PTPRD: variants seen among roughly 807,000 people sequenced by gnomAD.
The protein encoded by PTPRD is receptor-type tyrosine-protein phosphatase delta.
In PTPRD, 34 loss-of-function variants were observed where a neutral mutation model predicts 214.5. That is an observed-to-expected ratio of 0.16 (90% CI 0.12 to 0.21). The LOEUF is 0.21. Ranked by LOEUF, PTPRD falls within the 10% of genes least tolerant of loss-of-function variation. PTPRD has a pLI of 1.00. For synonymous variants in PTPRD, 1,128 were observed against 845.7 expected (o/e 1.33, Z -5.79); for missense variants, 2,545 against 2,398.7 (o/e 1.06, Z -1.27).
chr9:8,423,249 G>A (rs2131693845), intron 35 of PTPRD, among the ~76,000 whole-genome samples: 1 of 152,244 alleles, frequency 6.6e-6, no homozygotes, highest in Admixed American at 6.5e-5. Context: ...TAAGTTATAT[G>A]CCACCTGACA....
At chr9:9,748,091 C>G (rs1037023554) in intron 6 of PTPRD, among the ~76,000 whole-genome samples, 6 of 152,246 alleles carry the variant, frequency 3.9e-5, no homozygotes, top group African/African-American at 9.6e-5. Flanking sequence ...CAAGATTTTC[C>G]TGGGATATAT....
chr9:9,048,329 T>A (rs2099677483), intron 10 of PTPRD, among the ~76,000 whole-genome samples: 1 of 152,092 alleles, frequency 6.6e-6, no homozygotes, highest in South Asian at 2.1e-4. Context: ...AGGAAATCAG[T>A]GTATTGAAGA....
intron 8 of PTPRD, among the ~76,000 whole-genome samples, chr9:9,473,547 C>T (rs1291364054): frequency 6.6e-6 from 1 of 152,000 alleles, no homozygotes; most frequent in Non-Finnish European, 1.5e-5. Flanking sequence ...TCTAAGAAAC[C>T]CCCATCCTGT....
intron 5 of PTPRD, among the ~76,000 whole-genome samples, chr9:9,790,619 A>G (rs1479766137): frequency 6.6e-6 from 1 of 152,232 alleles, no homozygotes; most frequent in African/African-American, 2.4e-5. Flanking sequence ...GTTTTGATCA[A>G]TTATTAAATC....
chr9:10,534,947 T>C (rs2057382900), intron 2 of PTPRD, among the ~76,000 whole-genome samples: 2 of 152,174 alleles, frequency 1.3e-5, no homozygotes, highest in Non-Finnish European at 1.5e-5. Flanking sequence ...ATAGCAACAT[T>C]GCAGCCCACT....
chr9:9,177,909 A>C (rs564122558), intron 10 of PTPRD, among the ~76,000 whole-genome samples: 1 of 152,254 alleles, frequency 6.6e-6, no homozygotes, highest in East Asian at 1.9e-4. Flanking sequence ...TCCAGACACT[A>C]TTTGATACAT....
chr9:8,508,503 C>T (rs1215614556), intron 21 of PTPRD, among the ~76,000 whole-genome samples: 2 of 152,120 alleles, frequency 1.3e-5, no homozygotes, highest in Non-Finnish European at 2.9e-5. Context: ...GATATTATGG[C>T]ATGTCTCAAT....
intron 2 of PTPRD, among the ~76,000 whole-genome samples, chr9:10,501,884 T>TA (rs1327822126): frequency 1.3e-5 from 2 of 151,854 alleles, no homozygotes; most frequent in Non-Finnish European, 1.5e-5. Flanking sequence ...CAAGGAGTAT[T>TA]AAAAAAATTA....
intron 2 of PTPRD, among the ~76,000 whole-genome samples, chr9:10,408,728 A>G (rs1229951054): frequency 1.3e-5 from 2 of 151,716 alleles, no homozygotes; most frequent in Non-Finnish European, 2.9e-5. Context: ...CTTGGGTTTA[A>G]TCCTTGACTC....
At chr9:8,738,024 T>C (rs1053827851) in intron 11 of PTPRD, among the ~76,000 whole-genome samples, 2 of 150,078 alleles carry the variant, frequency 1.3e-5, no homozygotes, top group African/African-American at 5.1e-5. Context: ...TTTCAAAAAA[T>C]TTATAACTCC....
chr9:9,199,480 G>A (rs893942519), intron 9 of PTPRD, among the ~76,000 whole-genome samples: 3 of 152,146 alleles, frequency 2.0e-5, no homozygotes, highest in Non-Finnish European at 4.4e-5. Flanking sequence ...CACATGCAGT[G>A]ATTTGCTGCT....
At chr9:10,363,849 T>A (rs12005623) in intron 2 of PTPRD, among the ~76,000 whole-genome samples, 10,327 of 152,108 alleles carry the variant, frequency 0.068, 1,167 homozygotes, top group African/African-American at 0.24. Flanking sequence ...TTAAAGAAAG[T>A]AATCAGTATT....
At position 10,301,500 on chromosome 9, in the gene PTPRD, G is replaced by T. The variant is rs116514735; in HGVS notation, c.-545+39463C>A. On this transcript the variant is annotated intron_variant, in intron 3 of 45. Transcript: ENST00000381196. ...CTAAAGAGGCATGTTCTAACCCTTC[G>T]CAAGGAAGCTAAGAACTTTGACAAA... is the stretch of plus-strand genomic sequence containing the variant. Among the ~76,000 whole-genome samples, 1,264 of 152,212 alleles carry T rather than the reference G, an allele frequency of 8.3e-3. 11 individuals carry two copies. The highest frequency in any genetic ancestry group is 0.014 in the Non-Finnish European group (954 of 68,006).
At chr9:9,217,983 G>T (rs2099953398) in intron 9 of PTPRD, among the ~76,000 whole-genome samples, 1 of 152,112 alleles carries the variant, frequency 6.6e-6, no homozygotes, top group Admixed American at 6.6e-5. Flanking sequence ...TCCATTGTAT[G>T]ACAGTTATGC....
At chr9:10,491,493 T>C (rs2040217212) in intron 2 of PTPRD, among the ~76,000 whole-genome samples, 1 of 152,008 alleles carries the variant, frequency 6.6e-6, no homozygotes, top group East Asian at 1.9e-4. Context: ...TCTTTAGGTA[T>C]AGATGCTACA....
At chr9:10,298,732 A>G (rs1350389560) in intron 3 of PTPRD, among the ~76,000 whole-genome samples, 2 of 152,034 alleles carry the variant, frequency 1.3e-5, no homozygotes, top group Non-Finnish European at 2.9e-5. Flanking sequence ...CACAGTCTGA[A>G]AGACATACCA....
chr9:10,134,989 T>A (rs1464673133), intron 3 of PTPRD, among the ~76,000 whole-genome samples: 3 of 151,942 alleles, frequency 2.0e-5, no homozygotes, highest in Admixed American at 6.6e-5. Context: ...AGGAAAACGG[T>A]CCAACAGCTG....
chr9:9,207,111 T>C lies in PTPRD; in HGVS notation c.-202-23748A>G, dbSNP rs557348479. Among the ~76,000 whole-genome samples the C allele has an allele frequency of 3.9e-5, 6 of 152,288 alleles. No individual in the cohort carries two copies. The South Asian group carries it at 1.2e-3, about 32-fold the overall frequency. ...TTGCTGATGGAGTCCATGTGGTGAC[T>C]GAAAAAAACAAGAAGTCAAGTTTGA... On this transcript the variant is annotated intron_variant, in intron 9 of 45. Coordinates refer to ENST00000381196, the MANE Select transcript of PTPRD (RefSeq NM_002839.4).
intron 3 of PTPRD, among the ~76,000 whole-genome samples, chr9:10,074,102 GA>G (rs1335283091): frequency 6.6e-6 from 1 of 152,076 alleles, no homozygotes; most frequent in African/African-American, 2.4e-5. Flanking sequence ...AGGTATTTCA[GA>G]TACCCACCAC....
Sources: gnomAD v4.1 joint callset for allele counts (sites outside exome capture counted in the v4.1 genomes callset) on GRCh38, gnomAD v4.1.1 for gene constraint, MANE v1.5 for transcripts, NCBI Gene and HGNC (gene_info 2026-07-23, HGNC 2026-07-21) for gene names.